Variants in PSME3IP1 observed in about 807,000 individuals in gnomAD.
PSME3IP1 encodes PSME3-interacting protein.
In PSME3IP1, 13 loss-of-function variants were observed where a neutral mutation model predicts 34.1. That is an observed-to-expected ratio of 0.38 (90% CI 0.25 to 0.61). The LOEUF is 0.61. Ranked by LOEUF, PSME3IP1 falls within the 20% of genes least tolerant of loss-of-function variation. PSME3IP1 has a pLI of 0.60. For missense variants in PSME3IP1, 237 were observed against 301.4 expected (o/e 0.79, Z 1.58); for synonymous variants, 93 against 114.3 (o/e 0.81, Z 1.19).
At chr16:57,174,431 T>C in intron 1 of PSME3IP1, 4 of 985,328 alleles carry the variant, frequency 4.1e-6, no homozygotes, top group Non-Finnish European at 4.8e-6. Context: ...CCTGGGATAA[T>C]TCTTATTACC....
chr16:57,157,120 C>T (rs757536960), intron 6 of PSME3IP1, among the ~76,000 whole-genome samples: 5 of 152,014 alleles, frequency 3.3e-5, no homozygotes, highest in Non-Finnish European at 5.9e-5. Context: ...ACAGCCTGAA[C>T]AACACAGGGA....
At chr16:57,167,557 A>G (rs1235681151) in intron 4 of PSME3IP1, among the ~76,000 whole-genome samples, 1 of 152,224 alleles carries the variant, frequency 6.6e-6, no homozygotes, top group Non-Finnish European at 1.5e-5. Flanking sequence ...AATATAAAGA[A>G]AACAGAAAAA....
rs113281367 is a variant in PSME3IP1, at chr16:57,157,621, C to CTT, written c.548-3116_548-3115dup. ...TTGAATTTTTCCTTTTCTTTTTTTTCTTTTTTTTTTTTAAGAACATAAGGC... is the reference window on the plus strand; with the variant it reads ...TTGAATTTTTCCTTTTCTTTTTTTTCTTTTTTTTTTTTTTAAGAACATAAGGC... On this transcript the variant is annotated intron_variant, in intron 6 of 6. Coordinates refer to ENST00000309137, the MANE Select transcript of PSME3IP1 (RefSeq NM_024946.4). Among the ~76,000 whole-genome samples the CTT allele has an allele frequency of 3.5e-5, 5 of 143,520 alleles. No individual in the cohort carries two copies. The South Asian group carries it at 8.8e-4, about 25-fold the overall frequency. 94.2% of individuals were successfully genotyped at this position (143,520 alleles called of 152,430 possible).
At chr16:57,180,926 C>T (rs1257149894) in intron 1 of PSME3IP1, among the ~76,000 whole-genome samples, 5 of 151,898 alleles carry the variant, frequency 3.3e-5, no homozygotes, top group Non-Finnish European at 7.4e-5. Context: ...TGTGATGGTG[C>T]ACTACTTAGG....
chr16:57,169,826 G>T (rs1370683149), intron 4 of PSME3IP1, among the ~76,000 whole-genome samples: 1 of 152,122 alleles, frequency 6.6e-6, no homozygotes, highest in Non-Finnish European at 1.5e-5. Flanking sequence ...CACAATATGG[G>T]TATCTGCCTA....
At chr16:57,169,821 T>C (rs1475185468) in intron 4 of PSME3IP1, among the ~76,000 whole-genome samples, 1 of 152,156 alleles carries the variant, frequency 6.6e-6, no homozygotes, top group Non-Finnish European at 1.5e-5. Flanking sequence ...AACAACACAA[T>C]ATGGGTATCT....
In PSME3IP1 at chr16:57,154,264, G is replaced by A. The variant is rs1373239927; in HGVS notation, c.*26C>T. 1.2e-6 allele frequency: 2 copies of A among 1,601,058 alleles called. No homozygotes were observed. The highest frequency in any genetic ancestry group is 1.7e-6 in the Non-Finnish European group (2 of 1,168,588). On this transcript the variant is annotated 3_prime_UTR_variant, in exon 7 of 7. Transcript: ENST00000309137. The surrounding 1 kb of genome is among the most constrained non-coding windows in gnomAD (Gnocchi z 4.0). The stretch of plus-strand genomic sequence containing the variant: ...AACGGTCCGATCTACCCTTGGGGAG[G>A]AGCTCCCTGTGTAGGGACGGAGAAA...
Position 57,153,228 on chromosome 16 carries a change from T to A in PSME3IP1, c.*1062A>T, listed in dbSNP as rs2070131733. The A allele has an allele frequency of 6.6e-6, 1 of 152,246 alleles. No homozygotes were observed. Among genetic ancestry groups the A allele is most frequent in the Non-Finnish European group, 1.5e-5 (1 of 68,048 alleles). 9.4% of individuals were successfully genotyped at this position (152,246 alleles called of 1,614,324 possible). ...GACGAGGTGGAGCAGTACCTCTAGT[T>A]TTTGGCTGCTCATGGCCTCAGAGTT... On this transcript the variant is annotated 3_prime_UTR_variant, in exon 7 of 7. Coordinates refer to ENST00000309137, the MANE Select transcript of PSME3IP1 (RefSeq NM_024946.4).
At chr16:57,182,787 G>A (rs2073848443) in intron 1 of PSME3IP1, among the ~76,000 whole-genome samples, 1 of 152,112 alleles carries the variant, frequency 6.6e-6, no homozygotes, top group Middle Eastern at 3.4e-3. Context: ...GCACATGCCT[G>A]TAATCCCAGC....
At chr16:57,172,185 C>A in intron 4 of PSME3IP1, 66 bp downstream of exon 4, 1 of 1,570,378 alleles carries the variant, frequency 6.4e-7, no homozygotes, top group Non-Finnish European at 8.7e-7. Context: ...GATGAGGAGA[C>A]AACATCCATA....
intron 6 of PSME3IP1, among the ~76,000 whole-genome samples, chr16:57,157,184 T>C (rs2070636518): frequency 6.6e-6 from 1 of 151,898 alleles, no homozygotes; most frequent in South Asian, 2.1e-4. Context: ...TGGTGCACAC[T>C]TGTAGTCCCA....
intron 4 of PSME3IP1, among the ~76,000 whole-genome samples, chr16:57,170,643 G>A (rs1204150716): frequency 6.6e-6 from 1 of 152,226 alleles, no homozygotes; most frequent in Non-Finnish European, 1.5e-5. Flanking sequence ...AGGCACTGGA[G>A]AAATCAGAAG....
At chr16:57,157,995 G>A (rs1223682142) in intron 6 of PSME3IP1, among the ~76,000 whole-genome samples, 1 of 152,202 alleles carries the variant, frequency 6.6e-6, no homozygotes, top group Non-Finnish European at 1.5e-5. Context: ...GCCCCTTGAA[G>A]GCAAGCATTC....
intron 1 of PSME3IP1, among the ~76,000 whole-genome samples, chr16:57,179,121 T>A (rs547494313): frequency 6.6e-6 from 1 of 152,382 alleles, no homozygotes; most frequent in Admixed American, 6.5e-5. Context: ...TTGTCCTTAC[T>A]GTGTTCCACT....
chr16:57,181,964 C>T (rs777642631), intron 1 of PSME3IP1, among the ~76,000 whole-genome samples: 7 of 152,162 alleles, frequency 4.6e-5, no homozygotes, highest in Non-Finnish European at 8.8e-5. Context: ...ATTACTTAGA[C>T]ATGACTAATT....
rs184207304 is a variant in PSME3IP1, at chr16:57,154,246, C to T, written c.*44G>A. Reference sequence around the variant, plus strand: ...ATGCCTATAGGCAGCATGAACGGTCCGATCTACCCTTGGGGAGGAGCTCCC... The same window carrying T: ...ATGCCTATAGGCAGCATGAACGGTCTGATCTACCCTTGGGGAGGAGCTCCC... On this transcript the variant is annotated 3_prime_UTR_variant, in exon 7 of 7. Coordinates refer to ENST00000309137, the MANE Select transcript of PSME3IP1 (RefSeq NM_024946.4). This position sits in a 1 kb window ranked among gnomAD's most constrained non-coding sequence, Gnocchi z 4.0. 53 of 1,578,834 alleles carry T rather than the reference C, an allele frequency of 3.4e-5. No homozygotes were observed. The African/African-American group carries it at 5.0e-4, about 15-fold the overall frequency.
intron 3 of PSME3IP1, 86 bp downstream of exon 3, chr16:57,172,690 C>T: frequency 1.9e-6 from 2 of 1,027,170 alleles, no homozygotes; most frequent in Non-Finnish European, 3.1e-6. Flanking sequence ...AATTCCACGG[C>T]TAGTTAGGAA....
intron 6 of PSME3IP1, among the ~76,000 whole-genome samples, chr16:57,156,279 A>G (rs564684678): frequency 1.3e-5 from 2 of 152,384 alleles, no homozygotes; most frequent in East Asian, 3.9e-4. Context: ...CTGCAGAGTA[A>G]GGGTTGGAGT....
chr16:57,154,351 T>G lies in PSME3IP1; in HGVS notation c.704A>C (p.Asn235Thr). 3 of 1,613,942 alleles carry G rather than the reference T, an allele frequency of 1.9e-6. No homozygotes were observed. Among genetic ancestry groups the G allele is most frequent in the Non-Finnish European group, 1.7e-6 (2 of 1,179,976 alleles). Reference protein sequence around the residue: ...ESSSDSEGTINATGKIVSSIF... With the variant: ...ESSSDSEGTITATGKIVSSIF... The stretch of plus-strand genomic sequence containing the variant: ...GGAGGAGACAATCTTTCCGGTGGCA[T>G]TGATGGTGCCTTCGCTGTCTGAGCT... Residue 235 changes from asparagine (N) to threonine (T), a missense_variant, in exon 7 of 7, where the codon AAT becomes ACT. By Grantham distance (65) the Asn-to-Thr change is moderately conservative. Transcript: ENST00000309137. The surrounding 1 kb of genome is among the most constrained non-coding windows in gnomAD (Gnocchi z 4.0).
Sources: allele counts gnomAD v4.1 joint callset (sites outside exome capture counted in the v4.1 genomes callset), GRCh38; gene constraint gnomAD v4.1.1; non-coding constraint Gnocchi (gnomAD v3.1); transcripts MANE v1.5; gene names NCBI Gene and HGNC (gene_info 2026-07-23, HGNC 2026-07-21).